The following NINJ2 variants were observed in gnomAD, a reference collection of about 807,000 sequenced individuals.
NINJ2 encodes ninjurin 2.
Under a neutral mutation model 11.7 loss-of-function variants are expected in NINJ2, and 12 were observed. The ratio of observed to expected loss-of-function variants is 1.02; its 90% CI spans 0.66 to 1.66. The LOEUF (loss-of-function observed/expected upper bound fraction) is 1.66, where lower values mean the gene tolerates loss of function less well. Ranked by LOEUF, NINJ2 falls within the 40% of genes most tolerant of loss-of-function variation. The pLI is 0.00. For missense variants in NINJ2, 187 were observed against 181.8 expected (o/e 1.03, Z -0.16); for synonymous variants, 93 against 76.8 (o/e 1.21, Z -1.10).
At chr12:603,173 A>G (rs1018072179) in intron 1 of NINJ2, among the ~76,000 whole-genome samples, 9 of 152,196 alleles carry the variant, frequency 5.9e-5, no homozygotes, top group African/African-American at 1.9e-4. Context: ...CTTGCTGGCT[A>G]ATGATGTTAA....
intron 1 of NINJ2, among the ~76,000 whole-genome samples, chr12:620,821 G>A (rs554004284): frequency 3.9e-5 from 6 of 152,228 alleles, no homozygotes; most frequent in African/African-American, 1.4e-4. Context: ...GTAGAGACGG[G>A]GTTTTGCCAT....
chr12:658,508 C>T (rs541834273), intron 1 of NINJ2, among the ~76,000 whole-genome samples: 2 of 152,224 alleles, frequency 1.3e-5, no homozygotes, highest in African/African-American at 4.8e-5. Context: ...TCTGAAAAGG[C>T]TACATATTGT....
chr12:579,994 C>A (rs1226165249), intron 1 of NINJ2, among the ~76,000 whole-genome samples: 2 of 152,204 alleles, frequency 1.3e-5, no homozygotes, highest in Non-Finnish European at 2.9e-5. Context: ...AAGACAGGAG[C>A]TGCTGGGGCC....
intron 1 of NINJ2, among the ~76,000 whole-genome samples, chr12:662,841 T>A (rs1183550186): frequency 6.6e-6 from 1 of 152,244 alleles, no homozygotes; most frequent in Admixed American, 6.5e-5. Flanking sequence ...AGACGCTTTC[T>A]GTCCTACACA....
In NINJ2 at chr12:640,323, A is replaced by G. The variant is rs1948403112; in HGVS notation, c.33+23005T>C. The stretch of plus-strand genomic sequence containing the variant: ...TCATATCCAAAGTCCTTGTTTTACA[A>G]ATGTGGCAACTGAAGCTTTAAAAAA... On this transcript the variant is annotated intron_variant, in intron 1 of 3. Coordinates refer to ENST00000305108, the MANE Select transcript of NINJ2 (RefSeq NM_016533.6). The surrounding 1 kb of genome is among the most constrained non-coding windows in gnomAD (Gnocchi z 4.0). 6.6e-6 allele frequency among the ~76,000 whole-genome samples: 1 copy of G among 152,230 alleles called. No individual in the cohort carries two copies. Among genetic ancestry groups the G allele is most frequent in the Non-Finnish European group, 1.5e-5 (1 of 68,038 alleles).
rs112418047 is a variant in NINJ2 at position 567,530 on chromosome 12, C to T, written c.34-1352G>A. 9.3e-4 allele frequency among the ~76,000 whole-genome samples: 141 copies of T among 152,156 alleles called. 1 individual carries two copies. The highest frequency in any genetic ancestry group is 3.2e-3 in the African/African-American group (133 of 41,506). On this transcript the variant is annotated intron_variant, in intron 1 of 3. Transcript: ENST00000305108. ...AGATTGGTGGGTGGATGGATGGATG[C>T]GTGGATGATTGGATAGGCAGGTCTC...
chr12:621,950 G>A (rs1355106966), intron 1 of NINJ2, among the ~76,000 whole-genome samples: 1 of 151,388 alleles, frequency 6.6e-6, no homozygotes, highest in Non-Finnish European at 1.5e-5. Flanking sequence ...TGGCCAAGAT[G>A]GCGAAACACT....
intron 1 of NINJ2, among the ~76,000 whole-genome samples, chr12:621,831 AAGAG>A (rs1555165635): frequency 6.6e-6 from 1 of 150,560 alleles, no homozygotes; most frequent in Non-Finnish European, 1.5e-5. Context: ...AAAAAAAAAA[AAGAG>A]AGAGAAAGAA....
chr12:615,830 C>A (rs1249920765), intron 1 of NINJ2, among the ~76,000 whole-genome samples: 1 of 152,212 alleles, frequency 6.6e-6, no homozygotes, highest in Non-Finnish European at 1.5e-5. Flanking sequence ...ACTTCACATG[C>A]CCTTTTCAGG....
chr12:570,508 A>G (rs113129184), intron 1 of NINJ2, among the ~76,000 whole-genome samples: 2,784 of 152,344 alleles, frequency 0.018, 81 homozygotes, highest in African/African-American at 0.063. Context: ...GGAGCGCAGC[A>G]GGGTGGCCCC....
At chr12:612,525 A>G (rs762923868) in intron 1 of NINJ2, among the ~76,000 whole-genome samples, 13 of 152,152 alleles carry the variant, frequency 8.5e-5, no homozygotes, top group Non-Finnish European at 1.3e-4. Context: ...TCCACGGACT[A>G]CATGAACCAA....
chr12:622,327 A>G (rs1159756046), intron 1 of NINJ2, among the ~76,000 whole-genome samples: 8 of 138,552 alleles, frequency 5.8e-5, no homozygotes, highest in African/African-American at 2.2e-4. Flanking sequence ...GGAGAATGGC[A>G]TGAACCCGGG....
intron 1 of NINJ2, among the ~76,000 whole-genome samples, chr12:604,360 G>A (rs550584248): frequency 3.9e-5 from 6 of 152,202 alleles, no homozygotes; most frequent in Admixed American, 2.6e-4. Flanking sequence ...CAGCCTGGCC[G>A]GGTGCGGTGG....
chr12:622,847 T>A (rs143901882), intron 1 of NINJ2, among the ~76,000 whole-genome samples: 5 of 152,194 alleles, frequency 3.3e-5, no homozygotes, highest in African/African-American at 1.2e-4. Context: ...GTTCATCGCC[T>A]CCTGAGTTCA....
At chr12:597,684 T>C (rs1947806630) in intron 1 of NINJ2, among the ~76,000 whole-genome samples, 1 of 152,204 alleles carries the variant, frequency 6.6e-6, no homozygotes, top group Non-Finnish European at 1.5e-5. Flanking sequence ...TCTCTTGCCA[T>C]TGGCCAAGAA....
At chr12:595,614 G>C (rs186982025) in intron 1 of NINJ2, among the ~76,000 whole-genome samples, 93 of 152,292 alleles carry the variant, frequency 6.1e-4, no homozygotes, top group African/African-American at 2.1e-3. Flanking sequence ...TTAGCCGGGC[G>C]TGTTGGTGCA....
At chr12:620,578 C>T (rs1159273691) in intron 1 of NINJ2, among the ~76,000 whole-genome samples, 1 of 152,156 alleles carries the variant, frequency 6.6e-6, no homozygotes, top group African/African-American at 2.4e-5. Flanking sequence ...ACTAAAAGTA[C>T]AATTATGATT....
intron 1 of NINJ2, among the ~76,000 whole-genome samples, chr12:649,478 CTGTT>C (rs1013491032): frequency 2.7e-5 from 4 of 147,300 alleles, no homozygotes; most frequent in African/African-American, 1.0e-4. Context: ...CATGTATAAA[CTGTT>C]TATTTTTTAT....
At chr12:577,464 G>GC (rs1298471302) in intron 1 of NINJ2, among the ~76,000 whole-genome samples, 2 of 70,414 alleles carry the variant, frequency 2.8e-5, no homozygotes, top group Non-Finnish European at 7.4e-5. Context: ...CACGATCTTG[G>GC]CTCACTGCAA....
Sources: allele counts gnomAD v4.1 joint callset (sites outside exome capture counted in the v4.1 genomes callset), GRCh38; gene constraint gnomAD v4.1.1; non-coding constraint Gnocchi (gnomAD v3.1); transcripts MANE v1.5; gene names NCBI Gene and HGNC (gene_info 2026-07-23, HGNC 2026-07-21).